DCLK1: variants seen among roughly 807,000 people sequenced by gnomAD.
DCLK1 encodes the protein doublecortin like kinase 1.
A neutral mutation model predicts 86.2 loss-of-function variants in DCLK1; 16 were observed. The observed-to-expected ratio is 0.19, with a 90% CI of 0.13 to 0.28. The LOEUF (loss-of-function observed/expected upper bound fraction) is 0.28, where lower values mean the gene tolerates loss of function less well. DCLK1 is among the 10% of genes least tolerant of loss of function. DCLK1 has a pLI of 1.00. For missense variants in DCLK1, 590 were observed against 940.2 expected (o/e 0.63, Z 4.87); for synonymous variants, 369 against 370.5 (o/e 1.00, Z 0.05).
chr13:35,991,504 T>C (rs1880224249), intron 3 of DCLK1, among the ~76,000 whole-genome samples: 1 of 151,662 alleles, frequency 6.6e-6, no homozygotes. Flanking sequence ...TTATGAAAAA[T>C]TTAAAAAATT....
rs2086372869 is a variant in DCLK1, at chr13:35,773,761, TC to T, written c.*773del. 1 of 152,474 alleles carries T rather than the reference TC, an allele frequency of 6.6e-6. No homozygotes were observed. Among genetic ancestry groups the T allele is most frequent in the East Asian group, 1.9e-4 (1 of 5,166 alleles). 9.4% of individuals were successfully genotyped at this position (152,474 alleles called of 1,614,324 possible). ...CAAGCACAAGACAAGCTGTGGTGAC[TC>T]CCTGAGAGTCTGCGCTGGCGCTAGC... On this transcript the variant is annotated 3_prime_UTR_variant, in exon 17 of 17. Coordinates refer to ENST00000360631, the MANE Select transcript of DCLK1 (RefSeq NM_001330071.2).
intron 16 of DCLK1, among the ~76,000 whole-genome samples, chr13:35,777,840 T>G (rs960761244): frequency 2.0e-5 from 3 of 152,246 alleles, no homozygotes; most frequent in Non-Finnish European, 4.4e-5. Flanking sequence ...CCGCCCACTC[T>G]GCTTAGAGAA....
chr13:35,824,067 G>C (rs1381495593), intron 10 of DCLK1, among the ~76,000 whole-genome samples: 1 of 152,178 alleles, frequency 6.6e-6, no homozygotes, highest in African/African-American at 2.4e-5. Flanking sequence ...CAGTCACCGT[G>C]GTCTATGTGA....
intron 4 of DCLK1, among the ~76,000 whole-genome samples, chr13:35,919,463 A>T (rs1875656117): frequency 6.6e-6 from 1 of 152,142 alleles, no homozygotes; most frequent in South Asian, 2.1e-4. Context: ...GCAGAGCCCA[A>T]ATGTTTACAC....
chr13:36,126,221 TTTTG>T, intron 1 of DCLK1, 65 bp from the exon 2 acceptor site: 2 of 1,268,964 alleles, frequency 1.6e-6, no homozygotes, highest in Non-Finnish European at 2.0e-6. Flanking sequence ...ATATATATTT[TTTTG>T]TTTTTGTTTT....
chr13:35,937,130 C>T (rs998097944), intron 4 of DCLK1, among the ~76,000 whole-genome samples: 19 of 109,100 alleles, frequency 1.7e-4, no homozygotes, highest in South Asian at 3.5e-4. Flanking sequence ...CCACCATGTC[C>T]GGCTATTTTT....
At chr13:36,086,468 T>TTTG (rs1254934708) in intron 3 of DCLK1, among the ~76,000 whole-genome samples, 3 of 151,342 alleles carry the variant, frequency 2.0e-5, no homozygotes, top group Non-Finnish European at 4.4e-5. Flanking sequence ...TTTTTTTTTT[T>TTTG]TAATATTTTA....
In DCLK1 at chr13:35,952,143, A is replaced by C. The variant is rs113624950; in HGVS notation, c.724-4686T>G. On this transcript the variant is annotated intron_variant, in intron 3 of 16. Transcript: ENST00000360631. ...TTTTTATTAGCCCAAATGTATTTTT[A>C]CTTCTAAATAAGTATAAATCGAGTG... 1.9e-3 allele frequency among the ~76,000 whole-genome samples: 288 copies of C among 152,338 alleles called. 2 individuals carry two copies. Among genetic ancestry groups the C allele is most frequent in the African/African-American group, 6.6e-3 (275 of 41,582 alleles).
At chr13:35,896,341 C>T (rs1240624196) in intron 4 of DCLK1, among the ~76,000 whole-genome samples, 1 of 151,896 alleles carries the variant, frequency 6.6e-6, no homozygotes, top group African/African-American at 2.4e-5. Context: ...GAGTTCGAGA[C>T]CAGCCTGACC....
intron 3 of DCLK1, among the ~76,000 whole-genome samples, chr13:36,095,918 C>T (rs1416176208): frequency 3.3e-5 from 5 of 152,140 alleles, no homozygotes; most frequent in Admixed American, 3.3e-4. Flanking sequence ...CTGTTGTCAG[C>T]TTTAGCTAAA....
rs749567335 is a variant in DCLK1 at position 35,918,892 on chromosome 13, GTTTT to G, written c.823+28462_823+28465del. ...AAAAAGAAATCTTCCTTCTGAGTGT[GTTTT>G]TTTTTTTTTTTTTGGAAACGGAGTC... On this transcript the variant is annotated intron_variant, in intron 4 of 16. Transcript: ENST00000360631. Among the ~76,000 whole-genome samples, 19 of 76,324 alleles carry G rather than the reference GTTTT, an allele frequency of 2.5e-4. 1 individual carries two copies. In the East Asian group the frequency reaches 6.1e-3, roughly 24 times the overall value. 50.1% of individuals were successfully genotyped at this position (76,324 alleles called of 152,430 possible). A position where few individuals can be genotyped will look rare whatever the true frequency, so the allele number is the denominator to read the frequency against.
intron 6 of DCLK1, among the ~76,000 whole-genome samples, chr13:35,851,759 G>A (rs897930924): frequency 2.0e-5 from 3 of 152,160 alleles, no homozygotes; most frequent in Non-Finnish European, 4.4e-5. Flanking sequence ...AGAAATGTCT[G>A]GCATGCAGGT....
intron 9 of DCLK1, among the ~76,000 whole-genome samples, 161 bp from the exon 10 acceptor site, chr13:35,827,915 C>T (rs757963543): frequency 2.6e-5 from 4 of 152,070 alleles, no homozygotes; most frequent in Non-Finnish European, 4.4e-5. Context: ...CCTAGAATTG[C>T]CAATAGATAT....
chr13:35,970,914 G>T (rs1374009704), intron 3 of DCLK1, among the ~76,000 whole-genome samples: 1 of 152,138 alleles, frequency 6.6e-6, no homozygotes, highest in Non-Finnish European at 1.5e-5. Context: ...TAGCACACGG[G>T]GCAGTGGCAG....
At chr13:36,075,915 C>A (rs1259475676) in intron 3 of DCLK1, among the ~76,000 whole-genome samples, 6 of 152,170 alleles carry the variant, frequency 3.9e-5, no homozygotes, top group Non-Finnish European at 5.9e-5. Context: ...GTCCCAGCTA[C>A]TCGGGAGGCT....
intron 14 of DCLK1, 108 bp downstream of exon 14, chr13:35,808,116 A>C: frequency 9.3e-7 from 1 of 1,081,066 alleles, no homozygotes; most frequent in Non-Finnish European, 1.4e-6. Context: ...AAATGTGTAC[A>C]GAAATCATAC....
intron 9 of DCLK1, among the ~76,000 whole-genome samples, chr13:35,828,032 A>G (rs1871846346): frequency 6.6e-6 from 1 of 152,234 alleles, no homozygotes; most frequent in Non-Finnish European, 1.5e-5. Flanking sequence ...GGAAGAGAGT[A>G]AGCAAACAAA....
At chr13:35,929,492 G>C (rs999244435) in intron 4 of DCLK1, among the ~76,000 whole-genome samples, 1 of 152,176 alleles carries the variant, frequency 6.6e-6, no homozygotes, top group Non-Finnish European at 1.5e-5. Flanking sequence ...TCCTTTAGTG[G>C]ACAAAAGGCA....
At position 36,052,089 on chromosome 13, in the gene DCLK1, T is replaced by C. The variant is rs550014632; in HGVS notation, c.723+59780A>G. Among the ~76,000 whole-genome samples, 6 of 152,286 alleles carry C rather than the reference T, an allele frequency of 3.9e-5. No individual in the cohort carries two copies. In the East Asian group the frequency reaches 1.2e-3, roughly 29 times the overall value. On this transcript the variant is annotated intron_variant, in intron 3 of 16. Coordinates refer to ENST00000360631, the MANE Select transcript of DCLK1 (RefSeq NM_001330071.2). ...TTTAGAGATGGCAAGTAATAGCTGC[T>C]ACTTTATTTTAAAAATATCCCCCAC...
Sources: allele counts gnomAD v4.1 joint callset (sites outside exome capture counted in the v4.1 genomes callset), GRCh38; gene constraint gnomAD v4.1.1; transcripts MANE v1.5; gene names NCBI Gene and HGNC (gene_info 2026-07-23, HGNC 2026-07-21).